Variants in NBPF10 observed in about 807,000 individuals in gnomAD.
The protein encoded by NBPF10 is NBPF member 10.
Under a neutral mutation model 77.9 loss-of-function variants are expected in NBPF10, and 63 were observed. The ratio of observed to expected loss-of-function variants is 0.81; its 90% CI spans 0.66 to 1.00. The LOEUF is 1.00. Ranked by LOEUF, NBPF10 falls within the 50% of genes least tolerant of loss-of-function variation. NBPF10 has a pLI of 0.00. For missense variants in NBPF10, 522 were observed against 679.8 expected, an observed-to-expected ratio of 0.77 and a Z score of 2.58; for synonymous variants, 146 against 264.5, an observed-to-expected ratio of 0.55 and a Z score of 4.35.
Position 146,127,056 on chromosome 1 carries a change from T to A in NBPF10, c.1825A>T (p.Lys609Ter). Reference sequence around the variant, plus strand: ...GGACCTGTTGCCTCTTGGTCCTCCTTTTTCACTTGATCCCACCGATGTCCT... The same window carrying A: ...GGACCTGTTGCCTCTTGGTCCTCCTATTTCACTTGATCCCACCGATGTCCT... Residue 609 changes from lysine to a stop codon, truncating the protein, a stop_gained, in exon 13 of 90, where the codon AAG becomes TAG. Coordinates refer to ENST00000583866, the Ensembl canonical transcript of NBPF10. LOFTEE classifies it high-confidence loss of function. 1 of 499,234 alleles carries A rather than the reference T, an allele frequency of 2.0e-6. No homozygotes were observed. The highest frequency in any genetic ancestry group is 3.5e-6 in the Non-Finnish European group (1 of 287,188). The allele number at this position is 499,234 out of a possible 1,614,324, so 30.9% of individuals were successfully genotyped here. A position where few individuals can be genotyped will look rare whatever the true frequency, so the allele number is the denominator to read the frequency against.
intron 13 of NBPF10, 64 bp from the exon 14 acceptor site, chr1:146,126,472 A>T: frequency 1.3e-6 from 1 of 763,512 alleles, no homozygotes; most frequent in Non-Finnish European, 2.4e-6. Context: ...AGCCCCAGCT[A>T]GATTTCATGG....
chr1:146,143,771 G>T (rs1660535721), intron 1 of NBPF10, among the ~76,000 whole-genome samples: 2 of 133,646 alleles, frequency 1.5e-5, no homozygotes, highest in Non-Finnish European at 3.2e-5. Context: ...TTTGTTTTTT[G>T]ACGAGTCTTG....
chr1:146,138,873 C>T (rs1307796362), intron 5 of NBPF10, among the ~76,000 whole-genome samples: 5 of 143,956 alleles, frequency 3.5e-5, no homozygotes, highest in Non-Finnish European at 7.8e-5. Context: ...CCACCTCTGC[C>T]GCCCGGGTTC....
chr1:146,068,167 C>G, exon 88 of NBPF10: 1 of 442,670 alleles, frequency 2.3e-6, no homozygotes, highest in Non-Finnish European at 3.9e-6. Flanking sequence ...CAGCAGCTCC[C>G]TGCTGAGCCT....
At chr1:146,067,928 C>A (rs797025470) in intron 88 of NBPF10, 75 bp downstream of exon 88, 27 of 687,794 alleles carry the variant, frequency 3.9e-5, no homozygotes, top group South Asian at 3.3e-4. Context: ...TCAGCAAGGG[C>A]CACTTGGAAT....
intron 14 of NBPF10, 102 bp downstream of exon 14, chr1:146,126,134 G>A (rs112038204): frequency 1.4e-5 from 11 of 787,846 alleles, no homozygotes; most frequent in Non-Finnish European, 2.5e-5. Context: ...CCTCCCTGTG[G>A]CAATGACATC....
chr1:146,066,858 T>C (rs2102037026), intron 89 of NBPF10, among the ~76,000 whole-genome samples: 1 of 151,322 alleles, frequency 6.6e-6, no homozygotes. Flanking sequence ...CACTCTGACT[T>C]AGTGCCCTCA....
chr1:146,123,646 C>T (rs1282023994), intron 17 of NBPF10, among the ~76,000 whole-genome samples: 2 of 58,574 alleles, frequency 3.4e-5, no homozygotes, highest in Admixed American at 3.8e-4. Context: ...AAAGACTGTG[C>T]TCAATAATTT....
intron 5 of NBPF10, among the ~76,000 whole-genome samples, chr1:146,139,074 C>T (rs1179695941): frequency 1.5e-5 from 2 of 135,636 alleles, no homozygotes; most frequent in African/African-American, 5.1e-5. Flanking sequence ...TGAGCCAGCG[C>T]CCCTGGTCAG....
chr1:146,121,028 CA>C (rs1393245675), intron 20 of NBPF10, among the ~76,000 whole-genome samples: 1 of 103,858 alleles, frequency 9.6e-6, no homozygotes, highest in Non-Finnish European at 2.0e-5. Flanking sequence ...CAAGTTTGTG[CA>C]AATGGTTATG....
chr1:146,132,878 C>T (rs1423969357), intron 10 of NBPF10, among the ~76,000 whole-genome samples: 1 of 13,372 alleles, frequency 7.5e-5, no homozygotes. Context: ...GGTGCCACTG[C>T]ACTCCAGCCT....
chr1:146,123,837 T>G, intron 17 of NBPF10, 90 bp downstream of exon 17: 1 of 381,768 alleles, frequency 2.6e-6, no homozygotes, highest in South Asian at 2.2e-5. Context: ...TGAAGAGATG[T>G]AATCGATAAT....
chr1:146,141,729 A>T lies in NBPF10; in HGVS notation c.368T>A (p.Leu123Ter), dbSNP rs1234978676. 7.7e-7 allele frequency: 1 copy of T among 1,302,132 alleles called. No individual in the cohort carries two copies. The highest frequency in any genetic ancestry group is 1.4e-5 in the African/African-American group (1 of 70,830). 80.7% of individuals were successfully genotyped at this position (1,302,132 alleles called of 1,614,324 possible). The change falls in exon 3 of 90, where the codon TTG (leucine) becomes TAG (stop). Residue 123 changes from leucine (L) to a stop codon, truncating the protein, a stop_gained. Transcript: ENST00000583866. LOFTEE classifies it high-confidence loss of function. ...GAGGAGGGCCTGGAGATGCTCATAC[A>T]ATGAGCGGGAGGCATCTCTCCCTTC... is the stretch of plus-strand genomic sequence containing the variant.
chr1:146,067,608 T>A (rs1269701342), intron 88 of NBPF10, among the ~76,000 whole-genome samples: 6 of 150,596 alleles, frequency 4.0e-5, no homozygotes. Flanking sequence ...GGAGAAAAAC[T>A]GCAATATTTA....
chr1:146,068,061 G>T lies in NBPF10; in HGVS notation c.10977C>A (p.Tyr3659Ter), dbSNP rs781910523. Residue 3659 changes from tyrosine to a stop codon, truncating the protein, a stop_gained, in exon 88 of 90, where the codon TAC becomes TAA. Coordinates refer to ENST00000583866, the Ensembl canonical transcript of NBPF10. LOFTEE classifies it high-confidence loss of function. ...CCTCCAATGAGTAAACAGCACTGCT[G>T]TAGGGCTGGCCTAAGTCAGGCAGTT... 1.8e-6 allele frequency: 1 copy of T among 549,610 alleles called. No individual in the cohort carries two copies. 34.0% of individuals were successfully genotyped at this position (549,610 alleles called of 1,614,324 possible).
chr1:146,121,932 T>G (rs1380281045), intron 19 of NBPF10, among the ~76,000 whole-genome samples: 309 of 135,932 alleles, frequency 2.3e-3, no homozygotes, highest in East Asian at 4.1e-3. Context: ...GGTGACATAC[T>G]GGTAAGGGAG....
intron 7 of NBPF10, among the ~76,000 whole-genome samples, 171 bp downstream of exon 7, chr1:146,136,182 T>C (rs1226780796): frequency 6.6e-6 from 1 of 151,838 alleles, no homozygotes; most frequent in Non-Finnish European, 1.5e-5. Flanking sequence ...CTGCAACCCA[T>C]ACATTTTTAC....
At chr1:146,133,012 G>A (rs1377521729) in intron 10 of NBPF10, among the ~76,000 whole-genome samples, 84 of 14,922 alleles carry the variant, frequency 5.6e-3, no homozygotes, top group African/African-American at 0.013. Context: ...TTGCTTTATG[G>A]AAATATATCA....
chr1:146,125,244 C>T (rs1219958345), intron 15 of NBPF10, among the ~76,000 whole-genome samples: 12 of 28,018 alleles, frequency 4.3e-4, no homozygotes, highest in Non-Finnish European at 7.0e-4. Flanking sequence ...AGTTGCCATA[C>T]AGCCTTTGAG....
Sources: gnomAD v4.1 joint callset for allele counts (sites outside exome capture counted in the v4.1 genomes callset) on GRCh38, gnomAD v4.1.1 for gene constraint, MANE v1.5 for transcripts, NCBI Gene and HGNC (gene_info 2026-07-23, HGNC 2026-07-21) for gene names.